Variants in CELF2 observed in about 807,000 individuals in gnomAD.
CELF2 encodes the protein CUG triplet repeat RNA-binding protein 2.
CELF2 carries 8 observed loss-of-function variants against 62.6 expected under a neutral mutation model. That is an observed-to-expected ratio of 0.13 (90% CI 0.07 to 0.23). The LOEUF is 0.23. Among genes scored for constraint, CELF2 ranks in the 10% least tolerant of loss-of-function variants. The pLI is 1.00. For missense variants in CELF2, 333 were observed against 671.0 expected (o/e 0.50, Z 5.56); for synonymous variants, 258 against 250.0 (o/e 1.03, Z -0.30).
intron 1 of CELF2, among the ~76,000 whole-genome samples, chr10:11,078,715 C>A: frequency 6.6e-6 from 1 of 152,274 alleles, no homozygotes; most frequent in Middle Eastern, 3.4e-3. Context: ...GCACGGCTTG[C>A]AGAAAATATA....
chr10:10,808,132 G>A (rs192851584), intron 1 of CELF2, among the ~76,000 whole-genome samples: 1 of 152,052 alleles, frequency 6.6e-6, no homozygotes, highest in African/African-American at 2.4e-5. Context: ...AAGAAAATGT[G>A]GTAGTTTCTG....
At chr10:11,014,734 C>A (rs2056996619), upstream of CELF2, among the ~76,000 whole-genome samples, 2 of 152,100 alleles carry the variant, frequency 1.3e-5, no homozygotes, top group South Asian at 4.1e-4. Context: ...ACAGTGCTTT[C>A]CCTTGCCTGG....
In CELF2 at chr10:10,906,707, TTTTTC is replaced by T. The variant is rs1404535321; in HGVS notation, c.54-13247_54-13243del. ...ATACCAGAACATACCTTTCTTTTTC[TTTTTC>T]TTTTCTTTTTTTTTTTTTTTTTTTT... On this transcript the variant is annotated intron_variant, in intron 1 of 13. Coordinates refer to the CELF2 transcript ENST00000636488. Among the ~76,000 whole-genome samples, 5 of 140,590 alleles carry T rather than the reference TTTTTC, an allele frequency of 3.6e-5. No homozygotes were observed. In the East Asian group the frequency reaches 1.1e-3, roughly 31 times the overall value. The allele number at this position is 140,590 out of a possible 152,430, so 92.2% of individuals were successfully genotyped here.
At chr10:10,760,296 C>T in the CELF2 span, among the ~76,000 whole-genome samples, 1 of 152,166 alleles carries the variant, frequency 6.6e-6, no homozygotes, top group Admixed American at 6.5e-5. Context: ...CCTCTTTATC[C>T]TGAGAACGCC....
the CELF2 span, among the ~76,000 whole-genome samples, chr10:10,589,002 A>T: frequency 6.6e-6 from 1 of 152,196 alleles, no homozygotes; most frequent in Non-Finnish European, 1.5e-5. Flanking sequence ...GGTTAATGAC[A>T]TACCTGTGAC....
chr10:11,135,144 T>A (rs1268569913), intron 1 of CELF2, among the ~76,000 whole-genome samples: 1 of 152,232 alleles, frequency 6.6e-6, no homozygotes, highest in Non-Finnish European at 1.5e-5. Context: ...TTTTTCCTCC[T>A]GAGAAGTCTC....
In CELF2 at chr10:11,281,549, C is replaced by T. The variant is rs892101983; in HGVS notation, c.841+6429C>T. Among the ~76,000 whole-genome samples, 129 of 152,202 alleles carry T rather than the reference C, an allele frequency of 8.5e-4. 1 individual carries two copies. The highest frequency in any genetic ancestry group is 3.0e-3 in the African/African-American group (125 of 41,524). On this transcript the variant is annotated intron_variant, in intron 8 of 12. Transcript: ENST00000633077. ...CAGAAGCAGGCAAGGATCACTTGAGCCCCGGAGTTCCCGACCAGCCTGAGC... is the reference window on the plus strand; with the variant it reads ...CAGAAGCAGGCAAGGATCACTTGAGTCCCGGAGTTCCCGACCAGCCTGAGC...
the CELF2 span, among the ~76,000 whole-genome samples, chr10:10,523,731 A>C: frequency 6.6e-6 from 1 of 152,376 alleles, no homozygotes; most frequent in Non-Finnish European, 1.5e-5. Flanking sequence ...CAATAAAAAC[A>C]GAGCATGGCT....
intron 2 of CELF2, among the ~76,000 whole-genome samples, chr10:11,194,061 A>T (rs1027932288): frequency 6.6e-6 from 1 of 151,926 alleles, no homozygotes; most frequent in Admixed American, 6.6e-5. Context: ...CTTTTTAAAA[A>T]TTTTTTATTT....
At chr10:11,112,331 A>C (rs553012183) in intron 1 of CELF2, among the ~76,000 whole-genome samples, 1 of 152,272 alleles carries the variant, frequency 6.6e-6, no homozygotes, top group Admixed American at 6.5e-5. Flanking sequence ...CGCTAGGGAC[A>C]CATGAAGAAT....
chr10:10,846,216 T>C, intron 1 of CELF2: 1 of 519,912 alleles, frequency 1.9e-6, no homozygotes, highest in Non-Finnish European at 2.5e-6. Context: ...TGATTAATTA[T>C]ATACGATATG....
chr10:11,155,862 G>T (rs1270481783), intron 1 of CELF2, among the ~76,000 whole-genome samples: 1 of 152,160 alleles, frequency 6.6e-6, no homozygotes, highest in Non-Finnish European at 1.5e-5. Flanking sequence ...TTTCATTTCA[G>T]TTGTATTCCT....
the CELF2 span, among the ~76,000 whole-genome samples, chr10:10,762,093 A>T: frequency 6.6e-6 from 1 of 152,152 alleles, no homozygotes; most frequent in Non-Finnish European, 1.5e-5. Flanking sequence ...AACTGATGAG[A>T]TGTTCTAAAA....
In CELF2 at chr10:10,893,188, A is replaced by T. The variant is rs75459797; in HGVS notation, c.54-26776A>T. On this transcript the variant is annotated intron_variant, in intron 1 of 13. Coordinates refer to the CELF2 transcript ENST00000636488. The stretch of plus-strand genomic sequence containing the variant: ...GCAGTCAATAACATTCTTCTTTTGC[A>T]GAGGCAGGGCATTTCACACAGAGAC... 2.0e-5 allele frequency among the ~76,000 whole-genome samples: 3 copies of T among 152,336 alleles called. No homozygotes were observed. The South Asian group carries it at 6.2e-4, about 32-fold the overall frequency.
At chr10:10,996,521 C>A (rs1431605348) in intron 2 of CELF2, among the ~76,000 whole-genome samples, 1 of 152,226 alleles carries the variant, frequency 6.6e-6, no homozygotes. Flanking sequence ...GTTTCTGAAA[C>A]TTTCTGCATG....
chr10:10,628,992 C>G, the CELF2 span, among the ~76,000 whole-genome samples: 7 of 152,128 alleles, frequency 4.6e-5, no homozygotes, highest in Non-Finnish European at 1.0e-4. Context: ...GAAAAGGACC[C>G]ACATTGTTAA....
At chr10:10,949,551 G>T (rs2135685093) in intron 2 of CELF2, among the ~76,000 whole-genome samples, 1 of 152,088 alleles carries the variant, frequency 6.6e-6, no homozygotes, top group South Asian at 2.1e-4. Context: ...CAGCACTTTG[G>T]GAGGCCGAGG....
In CELF2 at chr10:10,913,858, A is replaced by AAGGAAG. The variant is rs1554880057; in HGVS notation, c.54-6106_54-6105insAGGAAG. ...AGGAAGGAAGGAAGGAGGGAAGGAG[A>AAGGAAG]GAAGGAAGGAAGGAAGGAAGGAAGG... On this transcript the variant is annotated intron_variant, in intron 1 of 13. Transcript: ENST00000636488. 2.2e-3 allele frequency among the ~76,000 whole-genome samples: 225 copies of AAGGAAG among 101,130 alleles called. 4 individuals are homozygous for AAGGAAG. Among genetic ancestry groups the AAGGAAG allele is most frequent in the African/African-American group, 8.6e-3 (218 of 25,460 alleles). 66.3% of individuals were successfully genotyped at this position (101,130 alleles called of 152,430 possible). A position where few individuals can be genotyped will look rare whatever the true frequency, so the allele number is the denominator to read the frequency against.
intron 1 of CELF2, among the ~76,000 whole-genome samples, chr10:11,124,415 A>T (rs1047362916): frequency 2.0e-5 from 3 of 152,212 alleles, no homozygotes; most frequent in Admixed American, 6.5e-5. Flanking sequence ...CCTAATAAAG[A>T]TGGAAATGGG....
Sources: gnomAD v4.1 joint callset for allele counts (sites outside exome capture counted in the v4.1 genomes callset) on GRCh38, gnomAD v4.1.1 for gene constraint, MANE v1.5 for transcripts, NCBI Gene and HGNC (gene_info 2026-07-23, HGNC 2026-07-21) for gene names.